Variants in LRRTM4 observed in about 807,000 individuals in gnomAD.
LRRTM4 encodes leucine-rich repeat transmembrane neuronal protein 4.
In LRRTM4, 25 loss-of-function variants were observed where a neutral mutation model predicts 47.6. The observed-to-expected ratio is 0.53, with a 90% CI of 0.38 to 0.73. The LOEUF is 0.73. LRRTM4 is among the 30% of genes least tolerant of loss of function. The pLI is 0.00. For synonymous variants in LRRTM4, 311 were observed against 269.5 expected (o/e 1.15, Z -1.51); for missense variants, 638 against 713.4 (o/e 0.89, Z 1.20).
At chr2:77,017,329 T>C (rs1678104558) in intron 3 of LRRTM4, among the ~76,000 whole-genome samples, 1 of 152,242 alleles carries the variant, frequency 6.6e-6, no homozygotes, top group Non-Finnish European at 1.5e-5. Flanking sequence ...TTTTAAATAA[T>C]CTGATAAAAT....
At chr2:77,430,774 G>C (rs1675340902) in intron 3 of LRRTM4, among the ~76,000 whole-genome samples, 1 of 147,932 alleles carries the variant, frequency 6.8e-6, no homozygotes, top group Non-Finnish European at 1.5e-5. Flanking sequence ...TACCTAGATA[G>C]CTGGCAAAGC....
At chr2:76,792,229 A>T (rs373271398) in intron 3 of LRRTM4, among the ~76,000 whole-genome samples, 67 of 152,342 alleles carry the variant, frequency 4.4e-4, no homozygotes, top group African/African-American at 1.5e-3. Context: ...AATTTAAAAA[A>T]TGTTAAGTCG....
intron 3 of LRRTM4, among the ~76,000 whole-genome samples, chr2:77,392,558 C>T (rs1033852925): frequency 1.3e-5 from 2 of 151,926 alleles, no homozygotes; most frequent in Admixed American, 6.6e-5. Flanking sequence ...GAAGTAAATC[C>T]GGTCATCTGT....
intron 3 of LRRTM4, among the ~76,000 whole-genome samples, chr2:77,034,839 T>A (rs1490835443): frequency 6.6e-6 from 1 of 151,880 alleles, no homozygotes; most frequent in African/African-American, 2.4e-5. Context: ...ATTCTAATAT[T>A]CTTTTCACTT....
At chr2:76,943,800 A>G (rs1174484000) in intron 3 of LRRTM4, among the ~76,000 whole-genome samples, 1 of 152,210 alleles carries the variant, frequency 6.6e-6, no homozygotes, top group Non-Finnish European at 1.5e-5. Context: ...TGTTTAAGCC[A>G]TAAATATAAG....
intron 3 of LRRTM4, among the ~76,000 whole-genome samples, chr2:76,896,942 A>C (rs2103730894): frequency 6.6e-6 from 1 of 151,630 alleles, no homozygotes; most frequent in East Asian, 1.9e-4. Context: ...GAATGTTTGA[A>C]ACAGGGAAAT....
intron 3 of LRRTM4, among the ~76,000 whole-genome samples, chr2:77,013,731 G>A (rs1306637234): frequency 1.3e-5 from 2 of 152,120 alleles, no homozygotes; most frequent in East Asian, 3.9e-4. Context: ...TTGGACAGAA[G>A]AACTGGAAGC....
intron 3 of LRRTM4, among the ~76,000 whole-genome samples, chr2:77,032,193 G>T (rs1483492962): frequency 6.6e-6 from 1 of 152,036 alleles, no homozygotes; most frequent in East Asian, 1.9e-4. Context: ...TTTAAAAACT[G>T]CAGGGCCTTC....
intron 3 of LRRTM4, among the ~76,000 whole-genome samples, chr2:77,046,038 TAAAG>T (rs1286795455): frequency 6.6e-6 from 1 of 151,994 alleles, no homozygotes; most frequent in Non-Finnish European, 1.5e-5. Context: ...TTCACTGTCT[TAAAG>T]AACATTCCAC....
chr2:77,292,604 A>T (rs1195594253), intron 3 of LRRTM4, among the ~76,000 whole-genome samples: 2 of 150,292 alleles, frequency 1.3e-5, no homozygotes, highest in African/African-American at 4.9e-5. Context: ...AGAACAAAAA[A>T]CCAAACACCG....
intron 3 of LRRTM4, among the ~76,000 whole-genome samples, chr2:76,927,999 T>A (rs1477483231): frequency 6.6e-6 from 1 of 152,190 alleles, no homozygotes; most frequent in Non-Finnish European, 1.5e-5. Context: ...TGAATAATTT[T>A]GTAAAATACG....
chr2:77,160,556 C>G (rs1282513655), intron 3 of LRRTM4, among the ~76,000 whole-genome samples: 1 of 151,972 alleles, frequency 6.6e-6, no homozygotes, highest in African/African-American at 2.4e-5. Flanking sequence ...TTCCTCACTT[C>G]AGGGACAAAG....
intron 3 of LRRTM4, among the ~76,000 whole-genome samples, chr2:77,259,755 C>A (rs1675867648): frequency 6.6e-6 from 1 of 151,926 alleles, no homozygotes; most frequent in Admixed American, 6.6e-5. Context: ...GAGCATGATT[C>A]AATACAGAGG....
intron 3 of LRRTM4, among the ~76,000 whole-genome samples, chr2:77,021,191 G>GATAT (rs151123853): frequency 1.2e-4 from 18 of 151,660 alleles, no homozygotes; most frequent in Admixed American, 6.6e-4. Flanking sequence ...TATAATCAGT[G>GATAT]ATATATATAT....
chr2:77,013,262 C>G (rs934664317), intron 3 of LRRTM4, among the ~76,000 whole-genome samples: 14 of 152,140 alleles, frequency 9.2e-5, no homozygotes, highest in African/African-American at 3.4e-4. Flanking sequence ...TGTTTTTCTG[C>G]TGCTGTCAGT....
rs185977159 is a variant in LRRTM4 at position 77,190,590 on chromosome 2, G to A, written c.1551+327728C>T. Among the ~76,000 whole-genome samples the A allele has an allele frequency of 4.3e-3, 648 of 152,102 alleles. 4 individuals carry two copies. The highest frequency in any genetic ancestry group is 0.014 in the African/African-American group (585 of 41,482). ...GCTTGGATTACAGACGTGCACCACC[G>A]CACCCAGCCAACAGAGCATTTTCTT... On this transcript the variant is annotated intron_variant, in intron 3 of 3. Coordinates refer to ENST00000409884, the MANE Select transcript of LRRTM4 (RefSeq NM_001134745.3).
At chr2:77,400,012 T>C (rs991207205) in intron 3 of LRRTM4, among the ~76,000 whole-genome samples, 5 of 151,808 alleles carry the variant, frequency 3.3e-5, no homozygotes, top group Admixed American at 6.6e-5. Context: ...GTCCCTATAT[T>C]ATAGTGTTAA....
At chr2:77,031,101 T>C (rs960426153) in intron 3 of LRRTM4, among the ~76,000 whole-genome samples, 8 of 152,204 alleles carry the variant, frequency 5.3e-5, no homozygotes, top group Non-Finnish European at 7.4e-5. Flanking sequence ...TAATATCTTA[T>C]GTAGAACATA....
At chr2:76,918,316 G>A (rs532404651) in intron 3 of LRRTM4, among the ~76,000 whole-genome samples, 5 of 152,264 alleles carry the variant, frequency 3.3e-5, no homozygotes, top group Non-Finnish European at 4.4e-5. Flanking sequence ...TTTATTTAAT[G>A]TTTAAGTTTT....
Sources: allele counts gnomAD v4.1 joint callset (sites outside exome capture counted in the v4.1 genomes callset), GRCh38; gene constraint gnomAD v4.1.1; transcripts MANE v1.5; gene names NCBI Gene and HGNC (gene_info 2026-07-23, HGNC 2026-07-21).